Variants in CASP9 observed in about 807,000 individuals in gnomAD.
The protein encoded by CASP9 is caspase 9, also known as caspase-9.
A neutral mutation model predicts 43.5 loss-of-function variants in CASP9; 29 were observed. The ratio of observed to expected loss-of-function variants is 0.67; its 90% CI spans 0.50 to 0.91. The LOEUF is 0.91. CASP9 is among the 40% of genes least tolerant of loss of function. The probability of loss-of-function intolerance (pLI) is 0.00; values close to 1 mark genes in which losing one functional copy is unlikely to be tolerated. For synonymous variants in CASP9, 206 were observed against 211.9 expected (o/e 0.97, Z 0.24); for missense variants, 575 against 537.4 (o/e 1.07, Z -0.69).
At chr1:15,516,645 T>C (rs552428748) in intron 2 of CASP9, among the ~76,000 whole-genome samples, 25 of 152,250 alleles carry the variant, frequency 1.6e-4, no homozygotes, top group African/African-American at 5.8e-4. Context: ...CTGGCTAAAA[T>C]GACATATTTT....
At chr1:15,504,509 G>A in intron 6 of CASP9, 102 bp downstream of exon 6, 2 of 1,242,360 alleles carry the variant, frequency 1.6e-6, no homozygotes, top group South Asian at 1.5e-5. Context: ...TGACTGCCTG[G>A]AGAGACCTCA....
chr1:15,496,969 C>T (rs1709124538), intron 6 of CASP9, among the ~76,000 whole-genome samples: 1 of 151,948 alleles, frequency 6.6e-6, no homozygotes, highest in South Asian at 2.1e-4. Flanking sequence ...GTGCAGTGAT[C>T]GCGCCACTGC....
chr1:15,518,875 T>G (rs145174341), intron 1 of CASP9, among the ~76,000 whole-genome samples: 1 of 24,788 alleles, frequency 4.0e-5, no homozygotes, highest in Non-Finnish European at 7.4e-5. Flanking sequence ...TTTGTTTTTG[T>G]TTTTTTTTTT....
At chr1:15,493,733 G>A (rs1283304380) in intron 8 of CASP9, 159 bp downstream of exon 8, 2 of 1,513,148 alleles carry the variant, frequency 1.3e-6, no homozygotes, top group Non-Finnish European at 8.8e-7. Context: ...CTCTCATAAA[G>A]AGACACAAAA....
At chr1:15,522,698 G>A (rs1710252815) in intron 1 of CASP9, among the ~76,000 whole-genome samples, 1 of 152,216 alleles carries the variant, frequency 6.6e-6, no homozygotes, top group Non-Finnish European at 1.5e-5. Flanking sequence ...CTGGGCAAGA[G>A]TGAGACCCTG....
intron 2 of CASP9, among the ~76,000 whole-genome samples, chr1:15,515,434 T>A (rs74857874): frequency 0.022 from 3,393 of 152,290 alleles, 138 homozygotes; most frequent in African/African-American, 0.077. Flanking sequence ...TACCATGCAA[T>A]GGTCCACCAG....
In CASP9 at chr1:15,495,245, C is replaced by T. The variant is rs201612073; in HGVS notation, c.1048+28G>A. 3.4e-4 allele frequency: 537 copies of T among 1,593,914 alleles called. 2 individuals are homozygous for T. In the Middle Eastern group the frequency reaches 4.2e-3, roughly 12 times the overall value. On this transcript the variant is annotated intron_variant, in intron 7 of 8. Coordinates refer to ENST00000333868, the MANE Select transcript of CASP9 (RefSeq NM_001229.5). ...GGCAGACGGGAAGACCCACTGGCTG[C>T]GAGGACGAGCCCTTCTGATGTGCTC... is the stretch of plus-strand genomic sequence containing the variant.
intron 6 of CASP9, among the ~76,000 whole-genome samples, chr1:15,497,541 G>C (rs1709150829): frequency 6.6e-6 from 1 of 151,746 alleles, no homozygotes; most frequent in South Asian, 2.1e-4. Flanking sequence ...TACTCAGGAG[G>C]CTGAAGCAGG....
chr1:15,514,842 T>A (rs995150492), intron 2 of CASP9, among the ~76,000 whole-genome samples: 1 of 151,880 alleles, frequency 6.6e-6, no homozygotes, highest in African/African-American at 2.4e-5. Context: ...CTTGTCTCTA[T>A]CAAAAAATAC....
intron 5 of CASP9, among the ~76,000 whole-genome samples, chr1:15,505,135 C>T (rs1230757266): frequency 6.6e-6 from 1 of 152,160 alleles, no homozygotes; most frequent in African/African-American, 2.4e-5. Context: ...GTCCTCCAGG[C>T]CCCTCTGACT....
At chr1:15,498,742 C>CTT (rs1218849159) in intron 6 of CASP9, among the ~76,000 whole-genome samples, 977 of 83,514 alleles carry the variant, frequency 0.012, no homozygotes, top group Non-Finnish European at 0.014. Context: ...TGAAAGTGAT[C>CTT]TTTTTTTTTT....
intron 2 of CASP9, among the ~76,000 whole-genome samples, chr1:15,516,986 G>A (rs906620896): frequency 6.6e-6 from 1 of 152,222 alleles, no homozygotes; most frequent in Non-Finnish European, 1.5e-5. Flanking sequence ...GAGATGGAGA[G>A]ATTAAATTAG....
intron 5 of CASP9, among the ~76,000 whole-genome samples, chr1:15,505,231 C>T (rs1208293892): frequency 6.6e-6 from 1 of 152,108 alleles, no homozygotes; most frequent in African/African-American, 2.4e-5. Flanking sequence ...AACCTTGTTG[C>T]TGGGCGGACT....
At chr1:15,493,735 G>A (rs1708981744) in intron 8 of CASP9, 157 bp downstream of exon 8, 1 of 1,514,472 alleles carries the variant, frequency 6.6e-7, no homozygotes, top group Non-Finnish European at 8.8e-7. Flanking sequence ...CTCATAAAGA[G>A]ACACAAAAGT....
At chr1:15,512,742 G>A (rs903920855) in intron 2 of CASP9, among the ~76,000 whole-genome samples, 6 of 152,068 alleles carry the variant, frequency 3.9e-5, no homozygotes, top group Non-Finnish European at 8.8e-5. Context: ...GTGTGTATAT[G>A]TATATATATA....
At chr1:15,523,616 T>A (rs1225069208) in intron 1 of CASP9, among the ~76,000 whole-genome samples, 1 of 152,154 alleles carries the variant, frequency 6.6e-6, no homozygotes, top group African/African-American at 2.4e-5. Flanking sequence ...AATGCTTATG[T>A]TAGAGAGAAA....
intron 5 of CASP9, 64 bp downstream of exon 5, chr1:15,505,926 T>G: frequency 7.6e-7 from 1 of 1,321,150 alleles, no homozygotes; most frequent in East Asian, 2.3e-5. Context: ...ACATGGCCCC[T>G]GCACAGCCTC....
chr1:15,510,211 T>A (rs143231343), intron 2 of CASP9, among the ~76,000 whole-genome samples: 4 of 152,334 alleles, frequency 2.6e-5, no homozygotes, highest in African/African-American at 9.6e-5. Flanking sequence ...ATTACAGGCA[T>A]GAGCCACCAC....
At chr1:15,516,356 G>A (rs541675994) in intron 2 of CASP9, among the ~76,000 whole-genome samples, 2 of 151,444 alleles carry the variant, frequency 1.3e-5, no homozygotes, top group East Asian at 2.0e-4. Context: ...GCCAGGCCTG[G>A]TGGCGCACAC....
Sources: gnomAD v4.1 joint callset for allele counts (sites outside exome capture counted in the v4.1 genomes callset) on GRCh38, gnomAD v4.1.1 for gene constraint, MANE v1.5 for transcripts, NCBI Gene and HGNC (gene_info 2026-07-23, HGNC 2026-07-21) for gene names.